Variants in CDK6 observed in about 807,000 individuals in gnomAD.
The protein encoded by CDK6 is cyclin dependent kinase 6.
Under a neutral mutation model 37.1 loss-of-function variants are expected in CDK6, and 6 were observed. That is an observed-to-expected ratio of 0.16 (90% confidence interval 0.09 to 0.32). The LOEUF is 0.32. CDK6 is among the 10% of genes least tolerant of loss of function. The pLI is 1.00. For synonymous variants in CDK6, 160 were observed against 161.3 expected (o/e 0.99, Z 0.06); for missense variants, 224 against 418.9 (o/e 0.53, Z 4.06).
At chr7:92,700,018 C>T (rs999961068) in intron 4 of CDK6, among the ~76,000 whole-genome samples, 2 of 152,130 alleles carry the variant, frequency 1.3e-5, no homozygotes, top group African/African-American at 4.8e-5. Context: ...TAAACTTTAG[C>T]TATCAGCAAA....
intron 2 of CDK6, among the ~76,000 whole-genome samples, chr7:92,811,619 C>G (rs927644403): frequency 6.6e-6 from 1 of 151,826 alleles, no homozygotes; most frequent in African/African-American, 2.4e-5. Flanking sequence ...AGTACCTATG[C>G]CTTGCCCTTG....
At chr7:92,732,189 G>C (rs1375260490) in intron 3 of CDK6, among the ~76,000 whole-genome samples, 1 of 152,164 alleles carries the variant, frequency 6.6e-6, no homozygotes, top group Non-Finnish European at 1.5e-5. Context: ...TGGCTGAGGT[G>C]GGAGGATCAC....
At chr7:92,687,187 C>A (rs1003239400) in intron 4 of CDK6, among the ~76,000 whole-genome samples, 2 of 152,198 alleles carry the variant, frequency 1.3e-5, no homozygotes, top group African/African-American at 4.8e-5. Context: ...CAGATTCCTA[C>A]TCCACACTCC....
intron 2 of CDK6, among the ~76,000 whole-genome samples, chr7:92,808,454 C>A (rs938666586): frequency 6.6e-6 from 1 of 152,190 alleles, no homozygotes; most frequent in Non-Finnish European, 1.5e-5. Context: ...ACAGACAGAT[C>A]TGAAACAAAT....
intron 2 of CDK6, among the ~76,000 whole-genome samples, chr7:92,815,247 C>T (rs1562973349): frequency 6.8e-6 from 1 of 146,640 alleles, no homozygotes; most frequent in Admixed American, 6.6e-5. Flanking sequence ...ATCCTGACAG[C>T]CATTTTTCCA....
At chr7:92,671,299 A>T (rs1722550792) in intron 5 of CDK6, 127 bp downstream of exon 5, 5 of 521,442 alleles carry the variant, frequency 9.6e-6, no homozygotes, top group Non-Finnish European at 1.6e-5. Context: ...TGCAAGTGGT[A>T]GCCTGGGGTA....
At chr7:92,783,129 A>T (rs996981936) in intron 2 of CDK6, among the ~76,000 whole-genome samples, 1 of 152,230 alleles carries the variant, frequency 6.6e-6, no homozygotes, top group Admixed American at 6.5e-5. Flanking sequence ...GAGACACTGG[A>T]TGGAGGAAAG....
chr7:92,612,464 T>C lies in CDK6; in HGVS notation c.*2676A>G, dbSNP rs986467069. ...TTGTGTTGGATCTGGATTTCAGAAA[T>C]GGCGAATCTGGACATAAAATACATA... is the stretch of plus-strand genomic sequence containing the variant. On this transcript the variant is annotated 3_prime_UTR_variant, in exon 8 of 8. Coordinates refer to ENST00000424848, the MANE Select transcript of CDK6 (RefSeq NM_001145306.2). 8.6e-6 allele frequency: 2 copies of C among 233,140 alleles called. No individual in the cohort carries two copies. Among genetic ancestry groups the C allele is most frequent in the Non-Finnish European group, 1.7e-5 (2 of 117,972 alleles). 14.4% of individuals were successfully genotyped at this position (233,140 alleles called of 1,614,324 possible).
intron 5 of CDK6, among the ~76,000 whole-genome samples, chr7:92,667,294 CTCCAGTGA>C (rs1461309169): frequency 2.6e-5 from 4 of 152,084 alleles, no homozygotes; most frequent in Non-Finnish European, 5.9e-5. Context: ...AACTCCTGGG[CTCCAGTGA>C]TCCTCCCACT....
At chr7:92,644,409 T>C (rs188048097) in intron 5 of CDK6, among the ~76,000 whole-genome samples, 9 of 152,330 alleles carry the variant, frequency 5.9e-5, no homozygotes. Context: ...GTTCAAAGAC[T>C]GAAATAAAAA....
At chr7:92,770,098 T>C (rs1476181262) in intron 3 of CDK6, among the ~76,000 whole-genome samples, 1 of 152,064 alleles carries the variant, frequency 6.6e-6, no homozygotes, top group African/African-American at 2.4e-5. Flanking sequence ...GACCCAAAGA[T>C]AATATCCTGA....
intron 5 of CDK6, among the ~76,000 whole-genome samples, chr7:92,631,406 A>G (rs1796049326): frequency 6.6e-6 from 1 of 152,156 alleles, no homozygotes; most frequent in South Asian, 2.1e-4. Flanking sequence ...AAAAAATCAA[A>G]TGAGCATACC....
At chr7:92,820,043 A>C (rs533399370) in intron 2 of CDK6, among the ~76,000 whole-genome samples, 73 of 152,246 alleles carry the variant, frequency 4.8e-4, no homozygotes, top group African/African-American at 1.6e-3. Context: ...AATGCCCAGC[A>C]AATTAAATGG....
At chr7:92,809,175 C>T (rs948708308) in intron 2 of CDK6, among the ~76,000 whole-genome samples, 1 of 152,030 alleles carries the variant, frequency 6.6e-6, no homozygotes, top group Non-Finnish European at 1.5e-5. Context: ...TAAATTGTTT[C>T]ATAAATTGTA....
chr7:92,648,827 T>C (rs1796506914), intron 5 of CDK6, among the ~76,000 whole-genome samples: 1 of 152,246 alleles, frequency 6.6e-6, no homozygotes, highest in Non-Finnish European at 1.5e-5. Flanking sequence ...TTCACTGCTT[T>C]ATCTAGTTTT....
chr7:92,813,573 T>C (rs994148003), intron 2 of CDK6, among the ~76,000 whole-genome samples: 1 of 152,108 alleles, frequency 6.6e-6, no homozygotes, highest in African/African-American at 2.4e-5. Context: ...CCACATCAAA[T>C]GTGAGGGAAA....
chr7:92,810,810 C>T (rs906731418), intron 2 of CDK6, among the ~76,000 whole-genome samples: 8 of 152,106 alleles, frequency 5.3e-5, no homozygotes, highest in African/African-American at 1.9e-4. Flanking sequence ...CAGTGGCTCA[C>T]GCCTGTAATC....
chr7:92,687,437 G>GAAGTT (rs1797485285), intron 4 of CDK6, among the ~76,000 whole-genome samples: 1 of 152,078 alleles, frequency 6.6e-6, no homozygotes, highest in African/African-American at 2.4e-5. Context: ...TTCCAAATTT[G>GAAGTT]CCCCCAAACT....
At chr7:92,654,571 C>T (rs192146248) in intron 5 of CDK6, among the ~76,000 whole-genome samples, 28 of 152,208 alleles carry the variant, frequency 1.8e-4, no homozygotes, top group African/African-American at 3.6e-4. Flanking sequence ...CTAAATATCC[C>T]ATTCTTCTCA....
Sources: gnomAD v4.1 joint callset for allele counts (sites outside exome capture counted in the v4.1 genomes callset) on GRCh38, gnomAD v4.1.1 for gene constraint, MANE v1.5 for transcripts, NCBI Gene and HGNC (gene_info 2026-07-23, HGNC 2026-07-21) for gene names.